Variants in CEP128 observed in about 807,000 individuals in gnomAD.
CEP128 encodes the protein centrosomal protein 128kDa.
In CEP128, 132 loss-of-function variants were observed where a neutral mutation model predicts 156.7. That is an observed-to-expected ratio of 0.84 (90% confidence interval 0.73 to 0.97). CEP128 has a LOEUF of 0.97. Among genes scored for constraint, CEP128 ranks in the 50% least tolerant of loss-of-function variants. CEP128 has a pLI of 0.00. For synonymous variants in CEP128, 469 were observed against 448.9 expected, an observed-to-expected ratio of 1.04 and a Z score of -0.57; for missense variants, 1,252 against 1,281.9, an observed-to-expected ratio of 0.98 and a Z score of 0.36.
chr14:80,738,377 CA>C (rs1019797830), intron 19 of CEP128, among the ~76,000 whole-genome samples: 1 of 152,048 alleles, frequency 6.6e-6, no homozygotes, highest in Non-Finnish European at 1.5e-5. Flanking sequence ...GCAGAAAAAC[CA>C]GCTGAAAAGT....
intron 19 of CEP128, among the ~76,000 whole-genome samples, chr14:80,614,436 T>C (rs1176268306): frequency 6.6e-6 from 1 of 152,198 alleles, no homozygotes; most frequent in Non-Finnish European, 1.5e-5. Flanking sequence ...TTTTATCATT[T>C]CTTCTCAGTG....
intron 2 of CEP128, among the ~76,000 whole-genome samples, chr14:80,918,946 A>G: frequency 6.6e-6 from 1 of 152,182 alleles, no homozygotes; most frequent in East Asian, 1.9e-4. Context: ...AAGAGAAAAT[A>G]ATAATTATGC....
intron 20 of CEP128, among the ~76,000 whole-genome samples, chr14:80,562,922 C>T (rs1890750411): frequency 6.6e-6 from 1 of 151,880 alleles, no homozygotes; most frequent in Non-Finnish European, 1.5e-5. Flanking sequence ...CCTCGGCCTC[C>T]CCAAATGCTG....
intron 8 of CEP128, among the ~76,000 whole-genome samples, chr14:80,870,924 C>A (rs928572973): frequency 1.3e-5 from 2 of 150,660 alleles, no homozygotes; most frequent in African/African-American, 2.4e-5. Context: ...ATTAAACATA[C>A]AAGAATCAGC....
intron 18 of CEP128, among the ~76,000 whole-genome samples, chr14:80,743,860 C>A (rs1430301685): frequency 6.7e-6 from 1 of 150,158 alleles, no homozygotes; most frequent in Admixed American, 6.7e-5. Context: ...TTCTTTCTTT[C>A]TCTCTCTCTC....
chr14:80,829,970 G>A (rs1885695615), intron 13 of CEP128, among the ~76,000 whole-genome samples: 1 of 152,122 alleles, frequency 6.6e-6, no homozygotes, highest in South Asian at 2.1e-4. Context: ...AGAAGGGAGG[G>A]AGGACCAATG....
chr14:80,941,397 TC>T (rs904140678), intron 1 of CEP128, among the ~76,000 whole-genome samples, 183 bp downstream of exon 1: 2 of 152,078 alleles, frequency 1.3e-5, no homozygotes, highest in Admixed American at 6.5e-5. Flanking sequence ...GAGGGAGGCC[TC>T]GGGATGACAG....
intron 19 of CEP128, among the ~76,000 whole-genome samples, chr14:80,654,543 C>T (rs1279620149): frequency 2.0e-5 from 3 of 152,018 alleles, no homozygotes; most frequent in Non-Finnish European, 4.4e-5. Flanking sequence ...GAGTAAGTAG[C>T]GCTTGATGGT....
chr14:80,488,429 A>T (rs1382235513), downstream of CEP128, among the ~76,000 whole-genome samples: 4 of 151,260 alleles, frequency 2.6e-5, no homozygotes, highest in Non-Finnish European at 5.9e-5. Flanking sequence ...CAAAACCACA[A>T]TGAGATACCA....
At chr14:80,636,994 G>C (rs985493199) in intron 19 of CEP128, among the ~76,000 whole-genome samples, 19 of 151,910 alleles carry the variant, frequency 1.3e-4, no homozygotes, top group African/African-American at 3.9e-4. Flanking sequence ...GCTAAGGCAG[G>C]AGAATCGCTT....
In CEP128 at chr14:80,748,901, C is replaced by A. The variant is rs866885920; in HGVS notation, c.2614-5634G>T. ...GGAGCATTTCTACACTCACCCTAGGCCAGAAAAAAACATGTTGCCCAGAAG... is the reference window on the plus strand; with the variant it reads ...GGAGCATTTCTACACTCACCCTAGGACAGAAAAAAACATGTTGCCCAGAAG... On this transcript the variant is annotated intron_variant, in intron 18 of 24. Coordinates refer to ENST00000555265, the MANE Select transcript of CEP128 (RefSeq NM_152446.5). Among the ~76,000 whole-genome samples the A allele has an allele frequency of 4.1e-4, 62 of 152,250 alleles. 1 individual carries two copies. In the Middle Eastern group the frequency reaches 0.014, roughly 33 times the overall value.
chr14:80,785,992 T>A (rs1901388024), intron 14 of CEP128, among the ~76,000 whole-genome samples: 1 of 152,022 alleles, frequency 6.6e-6, no homozygotes, highest in South Asian at 2.1e-4. Context: ...GAAAATAATA[T>A]AGGGAAGCAT....
intron 13 of CEP128, among the ~76,000 whole-genome samples, chr14:80,797,402 T>C (rs1883553727): frequency 6.6e-6 from 1 of 152,214 alleles, no homozygotes; most frequent in African/African-American, 2.4e-5. Flanking sequence ...TAAATAATTG[T>C]GGTTTTCACT....
At chr14:80,599,351 C>T (rs1022355910) in intron 19 of CEP128, among the ~76,000 whole-genome samples, 1 of 148,096 alleles carries the variant, frequency 6.8e-6, no homozygotes, top group Non-Finnish European at 1.5e-5. Context: ...CGGCTCACCG[C>T]AAGCTCTGCC....
At chr14:80,590,352 A>T (rs1276050399) in intron 19 of CEP128, among the ~76,000 whole-genome samples, 1 of 152,210 alleles carries the variant, frequency 6.6e-6, no homozygotes, top group Non-Finnish European at 1.5e-5. Context: ...TCTTGAAAGC[A>T]GTAAGACAGA....
chr14:80,929,101 G>A (rs957581282), intron 2 of CEP128, among the ~76,000 whole-genome samples: 3 of 151,576 alleles, frequency 2.0e-5, no homozygotes, highest in African/African-American at 7.3e-5. Context: ...TATACAAATG[G>A]CCAACAAACA....
chr14:80,642,965 A>G (rs1480929962), intron 19 of CEP128, among the ~76,000 whole-genome samples: 1 of 152,024 alleles, frequency 6.6e-6, no homozygotes, highest in African/African-American at 2.4e-5. Flanking sequence ...CGTGTTAGCC[A>G]GGATGGTCTG....
chr14:80,599,900 T>TA (rs1345485143), intron 19 of CEP128, among the ~76,000 whole-genome samples: 6 of 152,106 alleles, frequency 3.9e-5, no homozygotes, highest in African/African-American at 1.4e-4. Context: ...TAAAAATAAT[T>TA]AAAGAGGCTC....
At position 80,533,880 on chromosome 14, in the gene CEP128, A is replaced by G. The variant is rs374802673; in HGVS notation, c.2881-2994T>C. 7.2e-5 allele frequency among the ~76,000 whole-genome samples: 11 copies of G among 152,298 alleles called. No homozygotes were observed. In the East Asian group the frequency reaches 1.5e-3, roughly 21 times the overall value. ...TATCTCGGATATCATAGAAAGATCC[A>G]CAAACATAGATGGCATACGTCCTGT... On this transcript the variant is annotated intron_variant, in intron 21 of 24. Coordinates refer to ENST00000555265, the MANE Select transcript of CEP128 (RefSeq NM_152446.5).
Sources: allele counts gnomAD v4.1 joint callset (sites outside exome capture counted in the v4.1 genomes callset), GRCh38; gene constraint gnomAD v4.1.1; transcripts MANE v1.5; gene names NCBI Gene and HGNC (gene_info 2026-07-23, HGNC 2026-07-21).